Variants in MISP3 observed in about 807,000 individuals in gnomAD.
MISP3 encodes MISP family member 3.
MISP3 carries 9 observed loss-of-function variants against 5.5 expected under a neutral mutation model. That is an observed-to-expected ratio of 1.65 (90% CI 0.99 to 2.87). The LOEUF (loss-of-function observed/expected upper bound fraction) is 2.87, where lower values mean the gene tolerates loss of function less well. Among genes scored for constraint, MISP3 ranks in the 30% most tolerant of loss-of-function variants. The pLI is 0.00. For synonymous variants in MISP3, 87 were observed against 38.1 expected (o/e 2.28, Z -4.73); for missense variants, 152 against 84.1 (o/e 1.81, Z -3.16).
At position 14,072,964 on chromosome 19, in the gene MISP3, C is replaced by G. The variant is rs1377045310; in HGVS notation, c.-346C>G. On this transcript the variant is annotated 5_prime_UTR_variant, in exon 1 of 3. Transcript: ENST00000587086. The surrounding 1 kb of genome is among the most constrained non-coding windows in gnomAD (Gnocchi z 6.8). ...TCGTCTGAAGAGGAGGGCCAGGAGT[C>G]CCCAGGGCCAGACAGCGAAGCCCCA... 2.1e-6 allele frequency: 1 copy of G among 474,818 alleles called. No individual in the cohort carries two copies. The allele number at this position is 474,818 out of a possible 1,614,324, so 29.4% of individuals were successfully genotyped here.
Position 14,074,687 on chromosome 19 carries a change from T to C in MISP3, c.643-19T>C, listed in dbSNP as rs1976660769. ...GCAGGTCCCTGAGGCCGGCCTTCCTTCTGGTCCTCTGTCCCCAGGAGGAGC... is the reference window on the plus strand; with the variant it reads ...GCAGGTCCCTGAGGCCGGCCTTCCTCCTGGTCCTCTGTCCCCAGGAGGAGC... On this transcript the variant is annotated intron_variant, in intron 2 of 2. Coordinates refer to ENST00000587086, the MANE Select transcript of MISP3 (RefSeq NM_001291291.2). The surrounding 1 kb of genome is among the most constrained non-coding windows in gnomAD (Gnocchi z 4.4). 1 of 701,664 alleles carries C rather than the reference T, an allele frequency of 1.4e-6. No individual in the cohort carries two copies. Among genetic ancestry groups the C allele is most frequent in the Non-Finnish European group, 2.6e-6 (1 of 384,002 alleles). The allele number at this position is 701,664 out of a possible 1,614,324, so 43.5% of individuals were successfully genotyped here. A position where few individuals can be genotyped will look rare whatever the true frequency, so the allele number is the denominator to read the frequency against.
chr19:14,074,012 A>G lies in MISP3; in HGVS notation c.568+135A>G, dbSNP rs1568515183. ...CTCCAAGCTCCCAGACCCCCTCTCAATTTTGTCTCTTGCCTACCCCTTCTG... is the reference window on the plus strand; with the variant it reads ...CTCCAAGCTCCCAGACCCCCTCTCAGTTTTGTCTCTTGCCTACCCCTTCTG... On this transcript the variant is annotated intron_variant, in intron 1 of 2. Transcript: ENST00000587086. This position sits in a 1 kb window ranked among gnomAD's most constrained non-coding sequence, Gnocchi z 4.4. 1.6e-6 allele frequency: 1 copy of G among 607,194 alleles called. No homozygotes were observed. The highest frequency in any genetic ancestry group is 2.9e-6 in the Non-Finnish European group (1 of 341,236). 37.6% of individuals were successfully genotyped at this position (607,194 alleles called of 1,614,324 possible).
In MISP3 at chr19:14,073,612, C is replaced by T. The variant is rs1052146106; in HGVS notation, c.303C>T (p.Arg101=). The change falls in exon 1 of 3, where the codon CGC becomes CGT. Residue 101 remains arginine, a synonymous_variant. Transcript: ENST00000587086. The surrounding 1 kb of genome is among the most constrained non-coding windows in gnomAD (Gnocchi z 8.5). ...CGCAGCCGCTGGGCGAACTCAAGCG[C>T]TTCTTCGAGGCCGCGGCGGGGAGCG... ...SPPQPLGELK[R]FFEAAAGSGS... is the part of the protein sequence containing the mutation. 2.4e-5 allele frequency: 8 copies of T among 336,150 alleles called. No homozygotes were observed. The highest frequency in any genetic ancestry group is 3.8e-5 in the Non-Finnish European group (7 of 186,132). The allele number at this position is 336,150 out of a possible 1,614,324, so 20.8% of individuals were successfully genotyped here. A position where few individuals can be genotyped will look rare whatever the true frequency, so the allele number is the denominator to read the frequency against.
chr19:14,073,991 A>C lies in MISP3; in HGVS notation c.568+114A>C. On this transcript the variant is annotated intron_variant, in intron 1 of 2. Transcript: ENST00000587086. This position sits in a 1 kb window ranked among gnomAD's most constrained non-coding sequence, Gnocchi z 8.5. ...TCCGATTCTCGGGGTCTCTCCCTCCAAGCTCCCAGACCCCCTCTCAATTTT... is the reference window on the plus strand; with the variant it reads ...TCCGATTCTCGGGGTCTCTCCCTCCCAGCTCCCAGACCCCCTCTCAATTTT... 1.6e-6 allele frequency: 1 copy of C among 625,964 alleles called. No individual in the cohort carries two copies. Among genetic ancestry groups the C allele is most frequent in the Non-Finnish European group, 2.9e-6 (1 of 349,818 alleles). The allele number at this position is 625,964 out of a possible 1,614,324, so 38.8% of individuals were successfully genotyped here.
Position 14,074,150 on chromosome 19 carries a change from G to A in MISP3, c.569-240G>A, listed in dbSNP as rs76157171. 79,399 of 588,924 alleles carry A rather than the reference G, an allele frequency of 0.13. 6,313 individuals are homozygous for A. The highest frequency in any genetic ancestry group is 0.23 in the Admixed American group (7,459 of 33,082). The allele number at this position is 588,924 out of a possible 1,614,324, so 36.5% of individuals were successfully genotyped here. ...CATTCCAGATGTCTTCCTTTTTGTC[G>A]GGTTCCAGGGAACCCTGACTGGGTT... On this transcript the variant is annotated intron_variant, in intron 1 of 2. Coordinates refer to ENST00000587086, the MANE Select transcript of MISP3 (RefSeq NM_001291291.2). This position sits in a 1 kb window ranked among gnomAD's most constrained non-coding sequence, Gnocchi z 4.4.
chr19:14,074,700 C>T lies in MISP3; in HGVS notation c.643-6C>T, dbSNP rs1221004742. ...GCCGGCCTTCCTTCTGGTCCTCTGT[C>T]CCCAGGAGGAGCGCAAACCTTGAGG... On this transcript the variant is annotated splice_polypyrimidine_tract_variant and splice_region_variant and intron_variant, in intron 2 of 2. Coordinates refer to ENST00000587086, the MANE Select transcript of MISP3 (RefSeq NM_001291291.2). The surrounding 1 kb of genome is among the most constrained non-coding windows in gnomAD (Gnocchi z 4.4). 2.8e-6 allele frequency: 2 copies of T among 702,260 alleles called. No homozygotes were observed. The highest frequency in any genetic ancestry group is 2.3e-4 in the Middle Eastern group (1 of 4,390). The allele number at this position is 702,260 out of a possible 1,614,324, so 43.5% of individuals were successfully genotyped here. A position where few individuals can be genotyped will look rare whatever the true frequency, so the allele number is the denominator to read the frequency against.
In MISP3 at chr19:14,073,795, C is replaced by G. The variant is rs1197990648; in HGVS notation, c.486C>G (p.Arg162=). 3 of 701,358 alleles carry G rather than the reference C, an allele frequency of 4.3e-6. No individual in the cohort carries two copies. Among genetic ancestry groups the G allele is most frequent in the South Asian group, 1.5e-5 (1 of 67,550 alleles). 43.4% of individuals were successfully genotyped at this position (701,358 alleles called of 1,614,324 possible). The change falls in exon 1 of 3, where the codon CGC becomes CGG. Residue 162 remains arginine, a synonymous_variant. Transcript: ENST00000587086. This position sits in a 1 kb window ranked among gnomAD's most constrained non-coding sequence, Gnocchi z 8.5. ...SLLEQEVRAV[R]EREQELQRQR... Reference sequence around the variant, plus strand: ...TGGAGCAGGAGGTGCGCGCCGTGCGCGAGCGCGAGCAGGAACTGCAGCGCC... The same window carrying G: ...TGGAGCAGGAGGTGCGCGCCGTGCGGGAGCGCGAGCAGGAACTGCAGCGCC...
Position 14,074,746 on chromosome 19 carries a change from C to A in MISP3, c.*23C>A. Reference sequence around the variant, plus strand: ...TGAGGTTTGAAAAGGCTGGGACCCCCGGCCGGAAGTAACGTACGCGTCAGA... The same window carrying A: ...TGAGGTTTGAAAAGGCTGGGACCCCAGGCCGGAAGTAACGTACGCGTCAGA... On this transcript the variant is annotated 3_prime_UTR_variant, in exon 3 of 3. Transcript: ENST00000587086. The surrounding 1 kb of genome is among the most constrained non-coding windows in gnomAD (Gnocchi z 4.4). 1 of 701,620 alleles carries A rather than the reference C, an allele frequency of 1.4e-6. No individual in the cohort carries two copies. Among genetic ancestry groups the A allele is most frequent in the Non-Finnish European group, 2.6e-6 (1 of 383,862 alleles). The allele number at this position is 701,620 out of a possible 1,614,324, so 43.5% of individuals were successfully genotyped here.
rs1976651453 is a variant in MISP3 at position 14,074,321 on chromosome 19, T to C, written c.569-69T>C. 1.4e-6 allele frequency: 1 copy of C among 695,742 alleles called. No homozygotes were observed. Among genetic ancestry groups the C allele is most frequent in the African/African-American group, 1.8e-5 (1 of 57,108 alleles). The allele number at this position is 695,742 out of a possible 1,614,324, so 43.1% of individuals were successfully genotyped here. On this transcript the variant is annotated intron_variant, in intron 1 of 2. Transcript: ENST00000587086. This position sits in a 1 kb window ranked among gnomAD's most constrained non-coding sequence, Gnocchi z 4.4. ...CGGAGGGTGAACGCCTGTGTGTGTT[T>C]AAGGGGTGCGGCCGGCCTTTCATCC...
chr19:14,073,569 C>T lies in MISP3; in HGVS notation c.260C>T (p.Pro87Leu), dbSNP rs1177175894. Residue 87 changes from proline to leucine, a missense_variant, in exon 1 of 3, where the codon CCG (proline) becomes CTG (leucine). By Grantham distance (98) the Pro-to-Leu change is moderately conservative. Transcript: ENST00000587086. This position sits in a 1 kb window ranked among gnomAD's most constrained non-coding sequence, Gnocchi z 8.5. ...CTGGCGCGCCCCGCGGTCCCCGAGC[C>T]GCGCGCCCGGTCGCCGCCGCAGCCG... ...AALARPAVPE[P>L]RARSPPQPLG... 4.0e-6 allele frequency: 1 copy of T among 252,308 alleles called. No homozygotes were observed. The highest frequency in any genetic ancestry group is 8.0e-5 in the East Asian group (1 of 12,546). The allele number at this position is 252,308 out of a possible 1,614,324, so 15.6% of individuals were successfully genotyped here. A position where few individuals can be genotyped will look rare whatever the true frequency, so the allele number is the denominator to read the frequency against.
Position 14,073,906 on chromosome 19 carries a change from C to A in MISP3, c.568+29C>A, listed in dbSNP as rs1358867571. On this transcript the variant is annotated intron_variant, in intron 1 of 2. Transcript: ENST00000587086. This position sits in a 1 kb window ranked among gnomAD's most constrained non-coding sequence, Gnocchi z 8.5. ...AGCCGCGGGCGTAGCAACGCCGGGA[C>A]CCCCAGGGTTCCAGCCGCCCCCACC... 3 of 683,226 alleles carry A rather than the reference C, an allele frequency of 4.4e-6. No individual in the cohort carries two copies. Among genetic ancestry groups the A allele is most frequent in the South Asian group, 1.5e-5 (1 of 64,866 alleles). The allele number at this position is 683,226 out of a possible 1,614,324, so 42.3% of individuals were successfully genotyped here. A position where few individuals can be genotyped will look rare whatever the true frequency, so the allele number is the denominator to read the frequency against.
chr19:14,072,869 C>A lies in MISP3; in HGVS notation c.-441C>A. 2.5e-6 allele frequency: 1 copy of A among 406,812 alleles called. No homozygotes were observed. Among genetic ancestry groups the A allele is most frequent in the South Asian group, 1.7e-5 (1 of 57,192 alleles). The allele number at this position is 406,812 out of a possible 1,614,324, so 25.2% of individuals were successfully genotyped here. On this transcript the variant is annotated 5_prime_UTR_variant, in exon 1 of 3. It adds an upstream start codon to the 5' untranslated region. Transcript: ENST00000587086. This position sits in a 1 kb window ranked among gnomAD's most constrained non-coding sequence, Gnocchi z 6.8. ...TGGGAATCAAAACCCCGGTTGGGAA[C>A]TGAGGCTTCCGAACTGCTTCCAACC...
chr19:14,073,832 G>C lies in MISP3; in HGVS notation c.523G>C (p.Val175Leu), dbSNP rs1349475445. 1 of 701,970 alleles carries C rather than the reference G, an allele frequency of 1.4e-6. No homozygotes were observed. Among genetic ancestry groups the C allele is most frequent in the South Asian group, 1.5e-5 (1 of 67,580 alleles). 43.5% of individuals were successfully genotyped at this position (701,970 alleles called of 1,614,324 possible). A position where few individuals can be genotyped will look rare whatever the true frequency, so the allele number is the denominator to read the frequency against. Residue 175 changes from valine (V) to leucine (L), a missense_variant, in exon 1 of 3, where the codon GTC becomes CTC. Physicochemically the swap from Val to Leu is conservative, Grantham distance 32. Coordinates refer to ENST00000587086, the MANE Select transcript of MISP3 (RefSeq NM_001291291.2). This position sits in a 1 kb window ranked among gnomAD's most constrained non-coding sequence, Gnocchi z 8.5. ...EQELQRQRRS[V>L]YGTAEFKEPT... ...GGAACTGCAGCGCCAGCGGCGCAGC[G>C]TCTATGGCACCGCGGAGTTCAAGGA...
Position 14,074,765 on chromosome 19 carries a change from C to A in MISP3, c.*42C>A. The A allele has an allele frequency of 1.4e-6, 1 of 699,890 alleles. No individual in the cohort carries two copies. The highest frequency in any genetic ancestry group is 1.5e-5 in the South Asian group (1 of 67,548). The allele number at this position is 699,890 out of a possible 1,614,324, so 43.4% of individuals were successfully genotyped here. ...GACCCCCGGCCGGAAGTAACGTACG[C>A]GTCAGAGGAACAGGGCGGGGGGCGT... is the stretch of plus-strand genomic sequence containing the variant. On this transcript the variant is annotated 3_prime_UTR_variant, in exon 3 of 3. Coordinates refer to ENST00000587086, the MANE Select transcript of MISP3 (RefSeq NM_001291291.2). The surrounding 1 kb of genome is among the most constrained non-coding windows in gnomAD (Gnocchi z 4.4).
rs1235560406 is a variant in MISP3, at chr19:14,073,441, C to T, written c.132C>T (p.Asn44=). 1.6e-6 allele frequency: 1 copy of T among 616,388 alleles called. No individual in the cohort carries two copies. The allele number at this position is 616,388 out of a possible 1,614,324, so 38.2% of individuals were successfully genotyped here. Reference sequence around the variant, plus strand: ...AGCTGCGCGTGCGGCCGGTGCTCAACCTGCCGGGTCCTGGCCCCGCGCTCC... The same window carrying T: ...AGCTGCGCGTGCGGCCGGTGCTCAATCTGCCGGGTCCTGGCCCCGCGCTCC... ...LVELRVRPVL[N]LPGPGPALPR... The change falls in exon 1 of 3, where the codon AAC becomes AAT. Residue 44 remains asparagine, a synonymous_variant. Coordinates refer to ENST00000587086, the MANE Select transcript of MISP3 (RefSeq NM_001291291.2). The surrounding 1 kb of genome is among the most constrained non-coding windows in gnomAD (Gnocchi z 8.5).
At position 14,074,941 on chromosome 19, in the gene MISP3, C is replaced by G. The variant is rs974056651; in HGVS notation, c.*218C>G. ...CCACAACTCCGCCAGTGAAACTGCC[C>G]AGCCCTTCTCTGCCTAATTGCAAAC... On this transcript the variant is annotated 3_prime_UTR_variant, in exon 3 of 3. Coordinates refer to ENST00000587086, the MANE Select transcript of MISP3 (RefSeq NM_001291291.2). The surrounding 1 kb of genome is among the most constrained non-coding windows in gnomAD (Gnocchi z 4.4). 4 of 581,760 alleles carry G rather than the reference C, an allele frequency of 6.9e-6. No homozygotes were observed. Among genetic ancestry groups the G allele is most frequent in the Admixed American group, 5.6e-5 (2 of 35,896 alleles). 36.0% of individuals were successfully genotyped at this position (581,760 alleles called of 1,614,324 possible).
In MISP3 at chr19:14,073,319, C is replaced by T. The variant is rs1976618907; in HGVS notation, c.10C>T (p.Pro4Ser). The change falls in exon 1 of 3, where the codon CCC becomes TCC. Residue 4 changes from proline to serine, a missense_variant. Transcript: ENST00000587086. The surrounding 1 kb of genome is among the most constrained non-coding windows in gnomAD (Gnocchi z 8.5). ...CCCGGAGGAGCGGTTCATGGAGACG[C>T]CCATCGAGCGCGAAATCCGCCGCAG... Reference protein sequence around the residue: METPIEREIRRSCE... With the variant: METSIEREIRRSCE... 1.4e-6 allele frequency: 1 copy of T among 698,064 alleles called. No homozygotes were observed. The highest frequency in any genetic ancestry group is 2.6e-6 in the Non-Finnish European group (1 of 382,122). The allele number at this position is 698,064 out of a possible 1,614,324, so 43.2% of individuals were successfully genotyped here.
Position 14,074,607 on chromosome 19 carries a change from AGAG to A in MISP3, c.643-95_643-93del, listed in dbSNP as rs1041313813. On this transcript the variant is annotated intron_variant, in intron 2 of 2. Coordinates refer to ENST00000587086, the MANE Select transcript of MISP3 (RefSeq NM_001291291.2). This position sits in a 1 kb window ranked among gnomAD's most constrained non-coding sequence, Gnocchi z 4.4. ...AGTCTGGGACGCATCCCCGGGGTGA[AGAG>A]GAGACGGTGGTCTTGAGGCCCAAAC... The A allele has an allele frequency of 1.5e-6, 1 of 687,076 alleles. No homozygotes were observed. Among genetic ancestry groups the A allele is most frequent in the Non-Finnish European group, 2.7e-6 (1 of 372,008 alleles). The allele number at this position is 687,076 out of a possible 1,614,324, so 42.6% of individuals were successfully genotyped here.
In MISP3 at chr19:14,073,669, C is replaced by T. The variant is rs1976629542; in HGVS notation, c.360C>T (p.Gly120=). ...CGGCGGGGGCGGGGGACGGCGCGGG[C>T]CCGCAGAGGCTGCCAGAGCCTGGGG... ...GSSAGAGDGA[G]PQRLPEPGGR... Residue 120 remains glycine (G), a synonymous_variant, in exon 1 of 3, where the codon GGC becomes GGT. Transcript: ENST00000587086. The surrounding 1 kb of genome is among the most constrained non-coding windows in gnomAD (Gnocchi z 8.5). The T allele has an allele frequency of 6.7e-6, 3 of 450,492 alleles. No individual in the cohort carries two copies. The Middle Eastern group carries it at 1.8e-3, about 268-fold the overall frequency. The allele number at this position is 450,492 out of a possible 1,614,324, so 27.9% of individuals were successfully genotyped here. A position where few individuals can be genotyped will look rare whatever the true frequency, so the allele number is the denominator to read the frequency against.
Sources: gnomAD v4.1 joint callset for allele counts on GRCh38, gnomAD v4.1.1 for gene constraint, Gnocchi (gnomAD v3.1) non-coding constraint, MANE v1.5 for transcripts, NCBI Gene and HGNC (gene_info 2026-07-23, HGNC 2026-07-21) for gene names.